Variants in ANKRD17 observed in about 807,000 individuals in gnomAD.
ANKRD17 encodes the protein ankyrin repeat domain 17, also known as ankyrin repeat domain-containing protein 17.
A neutral mutation model predicts 229.7 loss-of-function variants in ANKRD17; 19 were observed. That is an observed-to-expected ratio of 0.08 (90% CI 0.06 to 0.12). The LOEUF (loss-of-function observed/expected upper bound fraction) is 0.12. ANKRD17 is among the 10% of genes least tolerant of loss of function. The pLI, the probability that ANKRD17 is intolerant of heterozygous loss-of-function variation, is 1.00. For synonymous variants in ANKRD17, 1,112 were observed against 1,146.1 expected (o/e 0.97, Z 0.60); for missense variants, 2,176 against 3,176.8 (o/e 0.68, Z 7.57).
chr4:73,099,642 G>A (rs1300688879), intron 25 of ANKRD17, among the ~76,000 whole-genome samples: 4 of 152,196 alleles, frequency 2.6e-5, no homozygotes, highest in Non-Finnish European at 5.9e-5. Flanking sequence ...CAGCAGGTGT[G>A]GCCAATGGAG....
At chr4:73,208,005 G>A (rs1257296007) in intron 1 of ANKRD17, among the ~76,000 whole-genome samples, 15 of 151,910 alleles carry the variant, frequency 9.9e-5, no homozygotes, top group Non-Finnish European at 4.4e-5. Flanking sequence ...TGGCTAACAC[G>A]GTGAAACCCC....
At chr4:73,203,032 GTTAAT>G (rs1470376445) in intron 1 of ANKRD17, among the ~76,000 whole-genome samples, 19 of 152,270 alleles carry the variant, frequency 1.2e-4, no homozygotes, top group East Asian at 5.8e-4. Context: ...ATCTGTCACA[GTTAAT>G]TTAGACATTG....
chr4:73,118,638 CTAGTGTAAGTAAAA>C, intron 22 of ANKRD17, 36 bp downstream of exon 22: 1 of 1,600,582 alleles, frequency 6.2e-7, no homozygotes, highest in South Asian at 1.1e-5. Flanking sequence ...CATGTACTTC[CTAGTGTAAGTAAAA>C]AAACATCCAG....
chr4:73,182,548 T>C (rs183962650), intron 1 of ANKRD17, among the ~76,000 whole-genome samples: 7 of 152,316 alleles, frequency 4.6e-5, no homozygotes, highest in Admixed American at 3.3e-4. Context: ...CTTTAAATTT[T>C]ACATTTAGGG....
At chr4:73,092,814 A>T (rs890455042) in intron 28 of ANKRD17, among the ~76,000 whole-genome samples, 1 of 152,210 alleles carries the variant, frequency 6.6e-6, no homozygotes, top group Non-Finnish European at 1.5e-5. Flanking sequence ...TCTACTAAAA[A>T]TTCATTAGTA....
At chr4:73,180,309 T>C (rs541741855) in intron 1 of ANKRD17, among the ~76,000 whole-genome samples, 2 of 152,148 alleles carry the variant, frequency 1.3e-5, no homozygotes, top group African/African-American at 2.4e-5. Context: ...TTCTATGTGA[T>C]AGAACACAGG....
At chr4:73,214,737 C>T (rs1165797066) in intron 1 of ANKRD17, among the ~76,000 whole-genome samples, 2 of 151,114 alleles carry the variant, frequency 1.3e-5, no homozygotes, top group Non-Finnish European at 2.9e-5. Flanking sequence ...GGTGCAGTCG[C>T]TCACGCCTGT....
intron 1 of ANKRD17, among the ~76,000 whole-genome samples, chr4:73,194,957 A>T (rs940907796): frequency 6.6e-6 from 1 of 152,102 alleles, no homozygotes; most frequent in Non-Finnish European, 1.5e-5. Flanking sequence ...GTGCGTTTTT[A>T]AAATTTCATT....
chr4:73,166,597 T>C (rs1230321902), intron 2 of ANKRD17, among the ~76,000 whole-genome samples: 1 of 152,106 alleles, frequency 6.6e-6, no homozygotes, highest in African/African-American at 2.4e-5. Flanking sequence ...ATGTGATACA[T>C]AAGGAAACAC....
intron 29 of ANKRD17, among the ~76,000 whole-genome samples, chr4:73,088,059 G>A (rs924134732): frequency 7.2e-4 from 110 of 152,036 alleles, no homozygotes; most frequent in African/African-American, 2.3e-3. Context: ...TAATAAATGT[G>A]GAAATACCAA....
At chr4:73,242,547 A>C (rs1035994144) in intron 1 of ANKRD17, among the ~76,000 whole-genome samples, 1 of 152,188 alleles carries the variant, frequency 6.6e-6, no homozygotes, top group Non-Finnish European at 1.5e-5. Flanking sequence ...ATTAACACAA[A>C]TTTCAATGTA....
intron 3 of ANKRD17, among the ~76,000 whole-genome samples, chr4:73,158,510 G>A (rs1469925175): frequency 2.0e-5 from 3 of 152,058 alleles, no homozygotes; most frequent in African/African-American, 7.2e-5. Flanking sequence ...CCTATTTCAG[G>A]TCTTTCCTAG....
chr4:73,226,566 C>T lies in ANKRD17; in HGVS notation c.393+31710G>A, dbSNP rs527982829. 2.3e-3 allele frequency among the ~76,000 whole-genome samples: 353 copies of T among 150,580 alleles called. 3 individuals carry two copies. Among genetic ancestry groups the T allele is most frequent in the African/African-American group, 8.0e-3 (327 of 41,088 alleles). On this transcript the variant is annotated intron_variant, in intron 1 of 33. Coordinates refer to ENST00000358602, the MANE Select transcript of ANKRD17 (RefSeq NM_032217.5). ...CTGCCACCATGCCCAGCTAATTTCTCGTATTTTTAGTAGAGACGGGGTTTC... is the reference window on the plus strand; with the variant it reads ...CTGCCACCATGCCCAGCTAATTTCTTGTATTTTTAGTAGAGACGGGGTTTC...
rs773757317 is a variant in ANKRD17, at chr4:73,091,572, T to C, written c.6056A>G (p.Asn2019Ser). Reference protein sequence around the residue: ...TTTTVTTTASNNNTAPTNATY... With the variant: ...TTTTVTTTASSNNTAPTNATY... Reference sequence around the variant, plus strand: ...GGCATTTGTGGGTGCAGTGTTGTTGTTGCTTGCCGTGGTTGTGACTGTTGT... The same window carrying C: ...GGCATTTGTGGGTGCAGTGTTGTTGCTGCTTGCCGTGGTTGTGACTGTTGT... Residue 2019 changes from asparagine (N) to serine (S), a missense_variant, in exon 29 of 34, where the codon AAC becomes AGC. Asn to Ser is a conservative substitution (Grantham distance 46). Transcript: ENST00000358602. 4 of 1,614,202 alleles carry C rather than the reference T, an allele frequency of 2.5e-6. No homozygotes were observed. Among genetic ancestry groups the C allele is most frequent in the South Asian group, 2.2e-5 (2 of 91,088 alleles).
chr4:73,099,381 T>A (rs1218577191), intron 25 of ANKRD17, among the ~76,000 whole-genome samples: 1 of 151,942 alleles, frequency 6.6e-6, no homozygotes, highest in East Asian at 1.9e-4. Context: ...AGTTCCCAGC[T>A]CCCCGCAACC....
At chr4:73,094,300 A>C in intron 27 of ANKRD17, 72 bp from the exon 28 acceptor site, 1 of 1,343,372 alleles carries the variant, frequency 7.4e-7, no homozygotes, top group South Asian at 1.3e-5. Flanking sequence ...AAAAGAGGAA[A>C]GAGTATTACT....
intron 2 of ANKRD17, 110 bp from the exon 3 acceptor site, chr4:73,161,458 TAGAGTAGACATATATATTGGCTGCCC>T: frequency 9.2e-7 from 1 of 1,083,386 alleles, no homozygotes; most frequent in Non-Finnish European, 1.3e-6. Flanking sequence ...CTCCAAATGG[TAGAGTAGACATATATATTGGCTGCCC>T]AGCATCTTTT....
At chr4:73,215,488 G>T (rs1740901796) in intron 1 of ANKRD17, among the ~76,000 whole-genome samples, 1 of 152,290 alleles carries the variant, frequency 6.6e-6, no homozygotes, top group Admixed American at 6.5e-5. Flanking sequence ...TTGATCTCTT[G>T]ACCTTGTGAT....
At chr4:73,203,023 T>C (rs2149114230) in intron 1 of ANKRD17, among the ~76,000 whole-genome samples, 1 of 152,310 alleles carries the variant, frequency 6.6e-6, no homozygotes, top group African/African-American at 2.4e-5. Context: ...CACTGGATGA[T>C]CTGTCACAGT....
Sources: allele counts gnomAD v4.1 joint callset (sites outside exome capture counted in the v4.1 genomes callset), GRCh38; gene constraint gnomAD v4.1.1; transcripts MANE v1.5; gene names NCBI Gene and HGNC (gene_info 2026-07-23, HGNC 2026-07-21).